AK5: variants seen among roughly 807,000 people sequenced by gnomAD.
AK5 encodes adenylate kinase isoenzyme 5.
A neutral mutation model predicts 69.5 loss-of-function variants in AK5; 27 were observed. That is an observed-to-expected ratio of 0.39 (90% CI 0.29 to 0.54). The LOEUF (loss-of-function observed/expected upper bound fraction) is 0.54, where lower values mean the gene tolerates loss of function less well. Among genes scored for constraint, AK5 ranks in the 20% least tolerant of loss-of-function variants. AK5 has a pLI of 0.71. For synonymous variants in AK5, 260 were observed against 244.4 expected (o/e 1.06, Z -0.60); for missense variants, 531 against 700.4 (o/e 0.76, Z 2.73).
chr1:77,317,392 C>A (rs557334361), intron 5 of AK5, among the ~76,000 whole-genome samples: 1 of 152,108 alleles, frequency 6.6e-6, no homozygotes, highest in African/African-American at 2.4e-5. Context: ...CTGAGACTGG[C>A]CTATATTCAA....
At chr1:77,388,565 GTT>G (rs1182035856) in intron 6 of AK5, among the ~76,000 whole-genome samples, 1 of 98,828 alleles carries the variant, frequency 1.0e-5, no homozygotes, top group East Asian at 3.0e-4. Flanking sequence ...TCTTTTGGTT[GTT>G]TTGTTGTTGT....
intron 8 of AK5, among the ~76,000 whole-genome samples, chr1:77,429,711 G>A (rs943826222): frequency 5.9e-5 from 9 of 152,150 alleles, no homozygotes; most frequent in African/African-American, 1.7e-4. Flanking sequence ...CGCCCGCCTC[G>A]GCCTCCAAAA....
At chr1:77,389,466 A>G (rs1356182062) in intron 6 of AK5, among the ~76,000 whole-genome samples, 1 of 152,182 alleles carries the variant, frequency 6.6e-6, no homozygotes, top group Non-Finnish European at 1.5e-5. Flanking sequence ...TGGATTACAT[A>G]AGTTAAATAC....
chr1:77,491,534 T>C (rs1656003239), intron 10 of AK5, among the ~76,000 whole-genome samples: 1 of 152,146 alleles, frequency 6.6e-6, no homozygotes, highest in Non-Finnish European at 1.5e-5. Context: ...CTCGAACTCC[T>C]GACCTCGTGA....
intron 8 of AK5, among the ~76,000 whole-genome samples, chr1:77,448,964 T>C (rs1285058593): frequency 2.0e-5 from 3 of 152,154 alleles, no homozygotes; most frequent in Non-Finnish European, 4.4e-5. Flanking sequence ...TTTCAGAGGA[T>C]ATATGGAAAT....
chr1:77,313,076 C>A (rs929533373), intron 5 of AK5, among the ~76,000 whole-genome samples: 6 of 152,118 alleles, frequency 3.9e-5, no homozygotes, highest in African/African-American at 1.5e-4. Flanking sequence ...TTAAACTGAT[C>A]TGGTTTTTCC....
At chr1:77,465,348 T>C (rs1196207776) in intron 8 of AK5, among the ~76,000 whole-genome samples, 2 of 152,156 alleles carry the variant, frequency 1.3e-5, no homozygotes, top group Non-Finnish European at 2.9e-5. Context: ...TGAGTTACCA[T>C]GGCAACTGCT....
intron 7 of AK5, among the ~76,000 whole-genome samples, chr1:77,415,125 T>C (rs1272561787): frequency 6.6e-6 from 1 of 152,194 alleles, no homozygotes; most frequent in Non-Finnish European, 1.5e-5. Flanking sequence ...ATACATTTTA[T>C]TAGGAAATCC....
intron 2 of AK5, among the ~76,000 whole-genome samples, chr1:77,292,298 T>C (rs1658731055): frequency 6.6e-6 from 1 of 152,218 alleles, no homozygotes; most frequent in South Asian, 2.1e-4. Context: ...TTCCCAGCTC[T>C]TTCTAAAAGA....
chr1:77,384,478 CTG>C (rs944000797), intron 6 of AK5, among the ~76,000 whole-genome samples: 1 of 152,066 alleles, frequency 6.6e-6, no homozygotes, highest in Non-Finnish European at 1.5e-5. Context: ...ACATTACTGA[CTG>C]TGTTTTAAAG....
At chr1:77,330,930 C>T (rs927430467) in intron 5 of AK5, among the ~76,000 whole-genome samples, 8 of 151,888 alleles carry the variant, frequency 5.3e-5, no homozygotes, top group African/African-American at 1.9e-4. Context: ...AGATTTTCCC[C>T]CTAGGTAATT....
intron 5 of AK5, among the ~76,000 whole-genome samples, chr1:77,339,451 C>G (rs2100378867): frequency 6.6e-6 from 1 of 152,172 alleles, no homozygotes; most frequent in South Asian, 2.1e-4. Context: ...TTATGAAGAC[C>G]TTTGGGCCTT....
intron 5 of AK5, among the ~76,000 whole-genome samples, chr1:77,316,384 G>A (rs1660245155): frequency 6.6e-6 from 1 of 151,744 alleles, no homozygotes; most frequent in Admixed American, 6.6e-5. Flanking sequence ...TTTAGCCTCA[G>A]CATTGCCATT....
intron 10 of AK5, among the ~76,000 whole-genome samples, chr1:77,505,539 A>G (rs866165917): frequency 2.6e-5 from 4 of 152,120 alleles, no homozygotes; most frequent in African/African-American, 4.8e-5. Context: ...TAAGGAGCAT[A>G]TATTTCTTTC....
intron 10 of AK5, among the ~76,000 whole-genome samples, chr1:77,488,821 T>C (rs1027769063): frequency 1.4e-4 from 21 of 152,322 alleles, no homozygotes; most frequent in African/African-American, 4.8e-4. Context: ...CTCAGACCAC[T>C]GACTCAAATG....
chr1:77,516,427 A>AG (rs1334504745), intron 10 of AK5, among the ~76,000 whole-genome samples: 1 of 145,904 alleles, frequency 6.9e-6, no homozygotes, highest in Non-Finnish European at 1.5e-5. Context: ...CTTCAGCACC[A>AG]GAAAAAAAAA....
chr1:77,480,985 A>G (rs1655219522), intron 8 of AK5, among the ~76,000 whole-genome samples: 1 of 152,172 alleles, frequency 6.6e-6, no homozygotes, highest in African/African-American at 2.4e-5. Flanking sequence ...CTCCATCCTA[A>G]CTTCAGCCTG....
At chr1:77,469,222 A>G (rs557918511) in intron 8 of AK5, among the ~76,000 whole-genome samples, 14 of 152,254 alleles carry the variant, frequency 9.2e-5, no homozygotes, top group African/African-American at 3.4e-4. Context: ...AGTGGGATGG[A>G]CAGTTTTGTG....
intron 8 of AK5, among the ~76,000 whole-genome samples, chr1:77,419,326 A>G (rs899907800): frequency 6.6e-6 from 1 of 152,208 alleles, no homozygotes; most frequent in African/African-American, 2.4e-5. Flanking sequence ...CTAAAATTAC[A>G]GACTGCACAA....
Sources: allele counts gnomAD v4.1 joint callset (sites outside exome capture counted in the v4.1 genomes callset), GRCh38; gene constraint gnomAD v4.1.1; transcripts MANE v1.5; gene names NCBI Gene and HGNC (gene_info 2026-07-23, HGNC 2026-07-21).